FER: variants seen among roughly 807,000 people sequenced by gnomAD.
FER encodes the protein FER tyrosine kinase, also known as tyrosine-protein kinase Fer.
In FER, 63 loss-of-function variants were observed where a neutral mutation model predicts 111.0. The observed-to-expected ratio is 0.57, with a 90% CI of 0.46 to 0.70. The LOEUF is 0.70. Among genes scored for constraint, FER ranks in the 30% least tolerant of loss-of-function variants. The pLI is 0.00. For synonymous variants in FER, 327 were observed against 313.9 expected (o/e 1.04, Z -0.44); for missense variants, 914 against 954.0 (o/e 0.96, Z 0.55).
chr5:109,188,725 C>T lies in FER; in HGVS notation c.*1150C>T, dbSNP rs758417377. ...AAGTTTCAGGAGTTCGTAGAGTCCT[C>T]GTAATGGCAACAAAAATTTTGAGAG... On this transcript the variant is annotated 3_prime_UTR_variant, in exon 20 of 20. Transcript: ENST00000281092. The T allele has an allele frequency of 2.6e-5, 4 of 152,110 alleles. No individual in the cohort carries two copies. Among genetic ancestry groups the T allele is most frequent in the Non-Finnish European group, 2.9e-5 (2 of 68,024 alleles). The allele number at this position is 152,110 out of a possible 1,614,324, so 9.4% of individuals were successfully genotyped here.
At chr5:108,879,142 A>G (rs940880258) in intron 8 of FER, among the ~76,000 whole-genome samples, 4 of 152,092 alleles carry the variant, frequency 2.6e-5, no homozygotes, top group African/African-American at 9.7e-5. Flanking sequence ...TTTTCCAGGT[A>G]GGGTCATTTT....
chr5:108,890,853 A>G (rs538402457), intron 9 of FER, among the ~76,000 whole-genome samples: 2 of 152,116 alleles, frequency 1.3e-5, no homozygotes, highest in African/African-American at 4.8e-5. Flanking sequence ...AAGGTCTCCA[A>G]ACATTTATGT....
chr5:109,169,844 G>A (rs1044937686), intron 17 of FER, among the ~76,000 whole-genome samples: 2 of 152,150 alleles, frequency 1.3e-5, no homozygotes, highest in South Asian at 2.1e-4. Flanking sequence ...TTTAGGGGAC[G>A]TAGTCCATTA....
chr5:109,052,560 A>T, intron 16 of FER: 1 of 633,584 alleles, frequency 1.6e-6, no homozygotes. Flanking sequence ...TCAGGCACTC[A>T]GACCTGTCTA....
chr5:109,135,241 G>A (rs1752765815), intron 17 of FER, among the ~76,000 whole-genome samples: 1 of 152,172 alleles, frequency 6.6e-6, no homozygotes, highest in South Asian at 2.1e-4. Flanking sequence ...CACAGTTTTA[G>A]GCACCTTATG....
chr5:109,128,014 A>C (rs1239664964), intron 17 of FER, among the ~76,000 whole-genome samples: 2 of 152,130 alleles, frequency 1.3e-5, no homozygotes, highest in African/African-American at 4.8e-5. Flanking sequence ...AACTTTTACC[A>C]GTTCTGTTGA....
At position 109,094,394 on chromosome 5, in the gene FER, C is replaced by G. The variant is rs1272180219; in HGVS notation, c.1925-6002C>G. On this transcript the variant is annotated intron_variant, in intron 16 of 19. Coordinates refer to ENST00000281092, the MANE Select transcript of FER (RefSeq NM_005246.4). ...TTAAAATCTAAATCTTTTTGAGGGC[C>G]AACATGATACTCAAAGGAAATGCCC... 3.9e-5 allele frequency among the ~76,000 whole-genome samples: 6 copies of G among 152,070 alleles called. No homozygotes were observed. The East Asian group carries it at 1.2e-3, about 29-fold the overall frequency.
chr5:109,122,521 G>GA (rs60535794), intron 17 of FER, among the ~76,000 whole-genome samples: 2,244 of 145,194 alleles, frequency 0.015, 27 homozygotes, highest in African/African-American at 0.027. Flanking sequence ...CATGTGCTGA[G>GA]AAAAAAAAAA....
intron 13 of FER, among the ~76,000 whole-genome samples, chr5:108,964,341 G>A (rs1004368753): frequency 7.2e-5 from 11 of 152,150 alleles, no homozygotes; most frequent in African/African-American, 1.2e-4. Context: ...GGACAGAGAC[G>A]TAAATGGAAA....
At chr5:108,983,197 G>T (rs1163614510) in intron 13 of FER, among the ~76,000 whole-genome samples, 1 of 151,992 alleles carries the variant, frequency 6.6e-6, no homozygotes, top group Admixed American at 6.6e-5. Context: ...ACATAATTGA[G>T]CATCATATTG....
intron 13 of FER, among the ~76,000 whole-genome samples, chr5:109,034,145 C>T (rs982600234): frequency 6.6e-6 from 1 of 152,124 alleles, no homozygotes; most frequent in Non-Finnish European, 1.5e-5. Context: ...ATTCCTCAAC[C>T]CCTCACACCT....
chr5:108,832,770 T>A lies in FER; in HGVS notation c.208T>A (p.Ser70Thr). ...QMNYVSNVSK[S>T]WLLMIQQTEQ... ...TGTTTCTTTTTTTTTTTTTTTTAAG[T>A]CTTGGCTACTTATGATTCAGCAGAC... is the stretch of plus-strand genomic sequence containing the variant. The change falls in exon 4 of 20, where the codon TCT becomes ACT. Residue 70 changes from serine (S) to threonine (T), a missense_variant and splice_region_variant. This residue lies in a region of FER where 774 missense variants were observed against 782.6 expected (regional missense o/e 0.99). Transcript: ENST00000281092. The A allele has an allele frequency of 6.8e-7, 1 of 1,460,942 alleles. No homozygotes were observed. The highest frequency in any genetic ancestry group is 1.6e-5 in the South Asian group (1 of 64,000). 90.5% of individuals were successfully genotyped at this position (1,460,942 alleles called of 1,614,324 possible). A position where few individuals can be genotyped will look rare whatever the true frequency, so the allele number is the denominator to read the frequency against.
chr5:109,000,615 C>T lies in FER; in HGVS notation c.1657-36807C>T, dbSNP rs573111298. ...AGAACTAGAGAAGCAAGAGCAAACA[C>T]ATTCAAAAGCTAGCAGAAGGCAAGA... is the stretch of plus-strand genomic sequence containing the variant. On this transcript the variant is annotated intron_variant, in intron 13 of 19. Coordinates refer to ENST00000281092, the MANE Select transcript of FER (RefSeq NM_005246.4). Among the ~76,000 whole-genome samples, 20 of 152,032 alleles carry T rather than the reference C, an allele frequency of 1.3e-4. No individual in the cohort carries two copies. The East Asian group carries it at 3.9e-3, about 29-fold the overall frequency.
In FER at chr5:108,949,911, G is replaced by C. The variant is rs1757492190; in HGVS notation, c.1329+3689G>C. 2.6e-5 allele frequency among the ~76,000 whole-genome samples: 4 copies of C among 152,066 alleles called. No individual in the cohort carries two copies. In the South Asian group the frequency reaches 8.3e-4, roughly 31 times the overall value. On this transcript the variant is annotated intron_variant, in intron 11 of 19. Transcript: ENST00000281092. ...GTGTTAAAATGATGAGAGAGGATGAGTGAGAGTCACAGGCACAATCGTAAA... is the reference window on the plus strand; with the variant it reads ...GTGTTAAAATGATGAGAGAGGATGACTGAGAGTCACAGGCACAATCGTAAA...
intron 13 of FER, among the ~76,000 whole-genome samples, chr5:108,994,900 G>T (rs1349035848): frequency 6.6e-6 from 1 of 152,236 alleles, no homozygotes; most frequent in East Asian, 1.9e-4. Context: ...TTCATAATTT[G>T]GTGCTTTGCT....
chr5:108,795,114 A>G (rs1365648256), intron 2 of FER, among the ~76,000 whole-genome samples: 1 of 152,344 alleles, frequency 6.6e-6, no homozygotes, highest in Middle Eastern at 3.4e-3. Flanking sequence ...GCTTGCACGT[A>G]GGAGTTTGAC....
At chr5:109,186,349 G>A in intron 19 of FER, 27 bp downstream of exon 19, 1 of 1,614,034 alleles carries the variant, frequency 6.2e-7, no homozygotes, top group Non-Finnish European at 8.5e-7. Flanking sequence ...CATTGTTAGT[G>A]TTCATGTCCA....
At chr5:108,768,813 A>G (rs1393660903) in intron 2 of FER, among the ~76,000 whole-genome samples, 6 of 150,644 alleles carry the variant, frequency 4.0e-5, no homozygotes, top group Admixed American at 4.0e-4. Context: ...CAAAACAATT[A>G]TGAATTATAA....
rs568264781 is a variant in FER at position 108,886,029 on chromosome 5, A to G, written c.1046+2511A>G. On this transcript the variant is annotated intron_variant, in intron 9 of 19. Coordinates refer to ENST00000281092, the MANE Select transcript of FER (RefSeq NM_005246.4). ...ATGACCAAGTGGTTCTACTTTTTAT[A>G]ATTTTGCAAAAGGACACATTATAAT... 5.5e-4 allele frequency among the ~76,000 whole-genome samples: 84 copies of G among 151,998 alleles called. 1 individual carries two copies. The highest frequency in any genetic ancestry group is 5.5e-3 in the Admixed American group (84 of 15,212).
Sources: allele counts gnomAD v4.1 joint callset (sites outside exome capture counted in the v4.1 genomes callset), GRCh38; gene constraint gnomAD v4.1.1; regional missense constraint gnomAD v4.1.1; transcripts MANE v1.5; gene names NCBI Gene and HGNC (gene_info 2026-07-23, HGNC 2026-07-21).